Variants in A2ML1 observed in about 807,000 individuals in gnomAD.
A2ML1 encodes the protein alpha-2-macroglobulin like 1, also known as alpha-2-macroglobulin-like protein 1.
A2ML1 carries 161 observed loss-of-function variants against 181.9 expected under a neutral mutation model. The observed-to-expected ratio is 0.89, with a 90% confidence interval of 0.78 to 1.01. A2ML1 has a LOEUF of 1.01. Among genes scored for constraint, A2ML1 ranks in the 50% least tolerant of loss-of-function variants. The pLI, the probability that A2ML1 is intolerant of heterozygous loss-of-function variation, is 0.00. For missense variants in A2ML1, 1,670 were observed against 1,768.1 expected, an observed-to-expected ratio of 0.94 and a Z score of 1.00; for synonymous variants, 663 against 666.8, an observed-to-expected ratio of 0.99 and a Z score of 0.09.
At chr12:8,835,768 C>T in intron 6 of A2ML1, 102 bp downstream of exon 6, 2 of 1,476,258 alleles carry the variant, frequency 1.4e-6, no homozygotes, top group Non-Finnish European at 9.2e-7. Flanking sequence ...AATCCCAGGA[C>T]TTTGGGAGGC....
rs7136294 is a variant in A2ML1, at chr12:8,863,611, A to G, written c.3503-183A>G. On this transcript the variant is annotated intron_variant, in intron 28 of 35. Transcript: ENST00000299698. ...GATGCTTCTAGCTTTACACACAGGC[A>G]CGCACATGCATCCTTGCATTTACAT... Among the ~76,000 whole-genome samples, 142,718 of 152,082 alleles carry G rather than the reference A, an allele frequency of 0.94. 67,605 individuals carry two copies. Among genetic ancestry groups the G allele is most frequent in the South Asian group, 1 (4,822 of 4,826 alleles).
chr12:8,837,419 C>G (rs1351005811), intron 7 of A2ML1, 21 bp from the exon 8 acceptor site: 2 of 1,612,338 alleles, frequency 1.2e-6, no homozygotes, highest in African/African-American at 1.3e-5. Flanking sequence ...AACTCTGACT[C>G]CTTATGCTTT....
At position 8,854,180 on chromosome 12, in the gene A2ML1, T is replaced by G; in HGVS notation, c.2643T>G (p.Cys881Trp). 9 of 1,608,988 alleles carry G rather than the reference T, an allele frequency of 5.6e-6. No individual in the cohort carries two copies. The highest frequency in any genetic ancestry group is 7.6e-6 in the Non-Finnish European group (9 of 1,177,422). The change falls in exon 21 of 36, where the codon TGT becomes TGG. Residue 881 changes from cysteine to tryptophan, a missense_variant. Cys to Trp is a radical substitution (Grantham distance 215). Transcript: ENST00000299698. ...AGATTCTGGACAGCAATGAACCATG[T>G]GGGGGCCAGAAGGGGTTTGTTCCCC... is the stretch of plus-strand genomic sequence containing the variant. ...STKILDSNEP[C>W]GGQKGFVPQK...
chr12:8,848,996 G>T, intron 16 of A2ML1, 82 bp downstream of exon 16: 1 of 1,470,042 alleles, frequency 6.8e-7, no homozygotes. Context: ...TAAGAAAGCA[G>T]AGAGACTCAT....
At position 8,826,078 on chromosome 12, in the gene A2ML1, T is replaced by C. The variant is rs772879981; in HGVS notation, c.409+2196T>C. ...AATAGATTTGGTTATTTTAGGTCTT[T>C]TATGGTTCCATAAAAATTTTATGAT... On this transcript the variant is annotated intron_variant, in intron 3 of 35. Transcript: ENST00000299698. Among the ~76,000 whole-genome samples the C allele has an allele frequency of 3.4e-4, 52 of 152,332 alleles. 1 individual carries two copies. The highest frequency in any genetic ancestry group is 2.0e-3 in the Admixed American group (30 of 15,302).
Position 8,860,879 on chromosome 12 carries a change from AG to A in A2ML1, c.3266del. 1 of 1,613,938 alleles carries A rather than the reference AG, an allele frequency of 6.2e-7. No homozygotes were observed. Among genetic ancestry groups the A allele is most frequent in the Non-Finnish European group, 8.5e-7 (1 of 1,179,992 alleles). ...ACTCACTGCCTCCCTGTTTGCCTCT[AG>A]GGTGGTGTTGATGATGAGGTCTCCT... On this transcript the variant is annotated splice_acceptor_variant, in intron 26 of 35. Coordinates refer to ENST00000299698, the MANE Select transcript of A2ML1 (RefSeq NM_144670.6). LOFTEE classifies it high-confidence loss of function.
At chr12:8,870,133 C>T (rs1272807417) in intron 33 of A2ML1, among the ~76,000 whole-genome samples, 1 of 152,168 alleles carries the variant, frequency 6.6e-6, no homozygotes, top group Admixed American at 6.5e-5. Context: ...ACAAGAATAT[C>T]CCAAATCAAA....
rs758305694 is a variant in A2ML1 at position 8,852,232 on chromosome 12, C to T, written c.2486C>T (p.Ser829Leu). Residue 829 changes from serine to leucine, a missense_variant, in exon 20 of 36, where the codon TCG becomes TTG. Physicochemically the swap from Ser to Leu is moderately radical, Grantham distance 145. Transcript: ENST00000299698. This position sits in a 1 kb window ranked among gnomAD's most constrained non-coding sequence, Gnocchi z 4.2. ...TAGGTTCAGACTGACCTGGCTAAAT[C>T]GCATGAGTACCAGCTAGAATCATGG... is the stretch of plus-strand genomic sequence containing the variant. Reference protein sequence around the residue: ...CIRVQTDLAKSHEYQLESWAD... With the variant: ...CIRVQTDLAKLHEYQLESWAD... The T allele has an allele frequency of 4.8e-5, 78 of 1,614,026 alleles. 1 individual carries two copies. The highest frequency in any genetic ancestry group is 5.8e-5 in the Non-Finnish European group (68 of 1,180,052).
intron 33 of A2ML1, among the ~76,000 whole-genome samples, chr12:8,870,402 G>A (rs1944580600): frequency 6.6e-6 from 1 of 152,108 alleles, no homozygotes; most frequent in Admixed American, 6.6e-5. Flanking sequence ...CGAGTAGCTG[G>A]GACCACATGC....
At chr12:8,828,046 T>C (rs73036949) in intron 3 of A2ML1, among the ~76,000 whole-genome samples, 1,598 of 152,100 alleles carry the variant, frequency 0.011, 12 homozygotes, top group Middle Eastern at 0.014. Flanking sequence ...CTGCACTGGG[T>C]CAGATCTGAA....
In A2ML1 at chr12:8,841,389, T is replaced by C. The variant is rs61744222; in HGVS notation, c.1101T>C (p.Asp367=). 4.9e-3 allele frequency: 7,976 copies of C among 1,614,070 alleles called. 354 individuals are homozygous for C. The African/African-American group carries it at 0.092, about 19-fold the overall frequency. Residue 367 remains aspartate, a synonymous_variant, in exon 11 of 36, where the codon GAT becomes GAC. Transcript: ENST00000299698. The part of the protein sequence containing the change: ...FSGKIRVRGH[D]DSFLKNHLVF... ...TTCAGATAAGAGTTAGGGGCCATGA[T>C]GACTCCTTCCTCAAGAACCATCTAG...
intron 26 of A2ML1, among the ~76,000 whole-genome samples, chr12:8,860,097 G>A (rs774406200): frequency 6.6e-6 from 1 of 152,086 alleles, no homozygotes; most frequent in Non-Finnish European, 1.5e-5. Flanking sequence ...CTGAAGTGCA[G>A]TGGCACGATC....
rs762733139 is a variant in A2ML1, at chr12:8,838,473, C to T, written c.970+23C>T. The stretch of plus-strand genomic sequence containing the variant: ...CAGGTAAGTAGGGTGCTCCTTGGCT[C>T]ATTAAGAAAAGAGAAAGAAAAAGGG... On this transcript the variant is annotated intron_variant, in intron 9 of 35. Transcript: ENST00000299698. 4 of 1,582,178 alleles carry T rather than the reference C, an allele frequency of 2.5e-6. No homozygotes were observed. In the South Asian group the frequency reaches 4.5e-5, roughly 18 times the overall value.
chr12:8,835,390 G>T, intron 5 of A2ML1, 117 bp from the exon 6 acceptor site: 1 of 1,253,062 alleles, frequency 8.0e-7, no homozygotes, highest in East Asian at 2.4e-5. Flanking sequence ...ACAGACCACA[G>T]GGGTCATGAA....
chr12:8,879,978 A>G (rs1031497753), downstream of A2ML1, among the ~76,000 whole-genome samples: 4 of 152,216 alleles, frequency 2.6e-5, no homozygotes, highest in Non-Finnish European at 5.9e-5. Context: ...TCTCTTCTCA[A>G]AAAGCTCACA....
intron 2 of A2ML1, 166 bp downstream of exon 2, chr12:8,823,531 T>C: frequency 9.3e-7 from 1 of 1,076,026 alleles, no homozygotes; most frequent in Non-Finnish European, 1.3e-6. Flanking sequence ...ACCCACGGTT[T>C]CCTCGACCTA....
rs749657053 is a variant in A2ML1, at chr12:8,881,830, T to C, written c.*94+1214T>C. 2.3e-4 allele frequency among the ~76,000 whole-genome samples: 35 copies of C among 151,870 alleles called. 3 individuals are homozygous for C. Among genetic ancestry groups the C allele is most frequent in the African/African-American group, 8.5e-4 (35 of 41,376 alleles). ...ATCGAGACCATCCTGGCTAACACGG[T>C]GAAACCCCGTCTGTACTAAAAATAC... On this transcript the variant is annotated intron_variant and NMD_transcript_variant, in intron 7 of 7. Transcript: ENST00000537475.
Position 8,852,812 on chromosome 12 carries a change from A to G in A2ML1, c.2590+476A>G, listed in dbSNP as rs1943936639. Among the ~76,000 whole-genome samples, 1 of 150,752 alleles carries G rather than the reference A, an allele frequency of 6.6e-6. No homozygotes were observed. The highest frequency in any genetic ancestry group is 1.5e-5 in the Non-Finnish European group (1 of 67,558). ...CCTGGGTTCAAGTGATTCTCCTGCC[A>G]AGCCTCCCAAGTAGCTAGGATTACA... is the stretch of plus-strand genomic sequence containing the variant. On this transcript the variant is annotated intron_variant, in intron 20 of 35. Transcript: ENST00000299698. This position sits in a 1 kb window ranked among gnomAD's most constrained non-coding sequence, Gnocchi z 4.2.
chr12:8,858,061 T>C lies in A2ML1; in HGVS notation c.3223T>C (p.Cys1075Arg), dbSNP rs759419807. 6.8e-6 allele frequency: 11 copies of C among 1,614,158 alleles called. No homozygotes were observed. Among genetic ancestry groups the C allele is most frequent in the Non-Finnish European group, 9.3e-6 (11 of 1,180,028 alleles). Residue 1075 changes from cysteine to arginine, a missense_variant, in exon 26 of 36, where the codon TGC (cysteine) becomes CGC (arginine). Cys to Arg is a radical substitution (Grantham distance 180). Coordinates refer to ENST00000299698, the MANE Select transcript of A2ML1 (RefSeq NM_144670.6). Reference protein sequence around the residue: ...WMAGNQLPSGCYANVGNLLHT... With the variant: ...WMAGNQLPSGRYANVGNLLHT... ...GGCAGGAAACCAGCTCCCCAGTGGC[T>C]GCTATGCCAACGTGGGAAATCTCCT...
Sources: allele counts gnomAD v4.1 joint callset (sites outside exome capture counted in the v4.1 genomes callset), GRCh38; gene constraint gnomAD v4.1.1; non-coding constraint Gnocchi (gnomAD v3.1); transcripts MANE v1.5; gene names NCBI Gene and HGNC (gene_info 2026-07-23, HGNC 2026-07-21).